Variants in MPDZ observed in about 807,000 individuals in gnomAD.
MPDZ encodes multiple PDZ domain crumbs cell polarity complex component.
MPDZ carries 234 observed loss-of-function variants against 239.1 expected under a neutral mutation model. The ratio of observed to expected loss-of-function variants is 0.98; its 90% CI spans 0.88 to 1.09. MPDZ has a LOEUF of 1.09. Ranked by LOEUF, MPDZ falls within the 50% of genes least tolerant of loss-of-function variation. MPDZ has a pLI of 0.00. For missense variants in MPDZ, 3,175 were observed against 2,510.0 expected (o/e 1.26, Z -5.66); for synonymous variants, 1,048 against 881.3 (o/e 1.19, Z -3.35).
intron 2 of MPDZ, among the ~76,000 whole-genome samples, chr9:13,249,104 T>A (rs972817761): frequency 2.6e-4 from 38 of 145,904 alleles, no homozygotes; most frequent in Admixed American, 1.9e-3. Context: ...GATCATGGGT[T>A]CACACACACA....
intron 1 of MPDZ, among the ~76,000 whole-genome samples, chr9:13,277,997 T>A (rs1010332786): frequency 1.3e-5 from 2 of 152,158 alleles, no homozygotes; most frequent in Non-Finnish European, 2.9e-5. Flanking sequence ...AAATTCAACA[T>A]GTAAAACTCC....
In MPDZ at chr9:13,213,413, AT is replaced by A. The variant is rs985761383; in HGVS notation, c.1290+3360del. Among the ~76,000 whole-genome samples, 235 of 151,934 alleles carry A rather than the reference AT, an allele frequency of 1.5e-3. 2 individuals carry two copies. Among genetic ancestry groups the A allele is most frequent in the Admixed American group, 4.4e-3 (67 of 15,232 alleles). On this transcript the variant is annotated intron_variant, in intron 10 of 46. Coordinates refer to ENST00000319217, the MANE Select transcript of MPDZ (RefSeq NM_001378778.1). Reference sequence around the variant, plus strand: ...ATCTCATCACTTCAACAACTACAAAATAAAAATAGATTATACTCCTAATAGC... The same window carrying A: ...ATCTCATCACTTCAACAACTACAAAAAAAAATAGATTATACTCCTAATAGC...
intron 42 of MPDZ, among the ~76,000 whole-genome samples, 167 bp from the exon 43 acceptor site, chr9:13,112,313 G>A (rs756449461): frequency 3.3e-5 from 5 of 152,170 alleles, no homozygotes; most frequent in Admixed American, 1.3e-4. Context: ...GGTGCTTAGC[G>A]TGGCTTAGGA....
intron 1 of MPDZ, among the ~76,000 whole-genome samples, chr9:13,254,431 T>A (rs564511258): frequency 2.0e-5 from 3 of 152,194 alleles, no homozygotes; most frequent in Non-Finnish European, 4.4e-5. Flanking sequence ...AGGTACTAAA[T>A]CCCTCAACAC....
chr9:13,105,935 T>C lies in MPDZ; in HGVS notation c.*1030A>G, dbSNP rs1348671411. 6 of 152,182 alleles carry C rather than the reference T, an allele frequency of 3.9e-5. No individual in the cohort carries two copies. The highest frequency in any genetic ancestry group is 2.1e-4 in the South Asian group (1 of 4,834). 9.4% of individuals were successfully genotyped at this position (152,182 alleles called of 1,614,324 possible). A position where few individuals can be genotyped will look rare whatever the true frequency, so the allele number is the denominator to read the frequency against. On this transcript the variant is annotated 3_prime_UTR_variant, in exon 47 of 47. Transcript: ENST00000319217. ...ATCTGTTTCCCTTAGTCTTAAACTATTGTATTATAAGATGTTAATATAAGT... is the reference window on the plus strand; with the variant it reads ...ATCTGTTTCCCTTAGTCTTAAACTACTGTATTATAAGATGTTAATATAAGT...
chr9:13,265,010 T>C (rs1971495469), intron 1 of MPDZ, among the ~76,000 whole-genome samples: 1 of 152,140 alleles, frequency 6.6e-6, no homozygotes, highest in Non-Finnish European at 1.5e-5. Flanking sequence ...GGCAGGGGGA[T>C]TCTTCCAAGA....
At chr9:13,143,253 C>T (rs184545121) in intron 27 of MPDZ, among the ~76,000 whole-genome samples, 1 of 152,036 alleles carries the variant, frequency 6.6e-6, no homozygotes, top group Non-Finnish European at 1.5e-5. Flanking sequence ...TTCAGAAGGG[C>T]CATTTAATTT....
chr9:13,239,553 G>T (rs977028299), intron 3 of MPDZ, among the ~76,000 whole-genome samples: 2 of 151,932 alleles, frequency 1.3e-5, no homozygotes, highest in African/African-American at 4.8e-5. Context: ...GAAAAAGTAG[G>T]GTCTCCAAAA....
intron 35 of MPDZ, among the ~76,000 whole-genome samples, chr9:13,124,333 T>C (rs1022687077): frequency 2.1e-4 from 32 of 152,346 alleles, no homozygotes; most frequent in African/African-American, 7.5e-4. Context: ...AGGATTATTT[T>C]CGGAGATGTA....
chr9:13,176,417 C>G lies in MPDZ; in HGVS notation c.2650G>C (p.Asp884His), dbSNP rs948332065. Residue 884 changes from aspartate (D) to histidine (H), a missense_variant and splice_region_variant, in exon 20 of 47, where the codon GAT (aspartate) becomes CAT (histidine). Transcript: ENST00000319217. The part of the protein sequence containing the change: ...GSSLPSSPPK[D>H]VIENSCDPVL... ...GGATCACAAGAATTTTCAATAACAT[C>G]CTGGTAGTTAAAAAACAACAACAAC... is the stretch of plus-strand genomic sequence containing the variant. The G allele has an allele frequency of 6.5e-7, 1 of 1,540,554 alleles. No homozygotes were observed. Among genetic ancestry groups the G allele is most frequent in the African/African-American group, 1.4e-5 (1 of 72,938 alleles).
chr9:13,147,294 A>T (rs1948563336), intron 26 of MPDZ, among the ~76,000 whole-genome samples: 1 of 152,064 alleles, frequency 6.6e-6, no homozygotes, highest in African/African-American at 2.4e-5. Context: ...ATAATTAACC[A>T]TCTAGATACC....
At chr9:13,260,639 G>C (rs754354838) in intron 1 of MPDZ, among the ~76,000 whole-genome samples, 1 of 152,088 alleles carries the variant, frequency 6.6e-6, no homozygotes, top group Non-Finnish European at 1.5e-5. Context: ...ATAAGGGTGG[G>C]GTTCTGATCC....
chr9:13,250,950 G>A (rs894666291), intron 1 of MPDZ, among the ~76,000 whole-genome samples: 1 of 151,708 alleles, frequency 6.6e-6, no homozygotes, highest in Non-Finnish European at 1.5e-5. Context: ...CCAACATGGT[G>A]AAACCCCGTC....
chr9:13,123,437 C>T (rs1944666677), intron 35 of MPDZ, 139 bp from the exon 36 acceptor site: 2 of 597,660 alleles, frequency 3.3e-6, no homozygotes, highest in South Asian at 5.5e-5. Flanking sequence ...TTTGTATTTA[C>T]CTCAATCTTT....
chr9:13,209,029 C>T (rs1397428307), intron 10 of MPDZ, among the ~76,000 whole-genome samples: 2 of 152,058 alleles, frequency 1.3e-5, no homozygotes, highest in Non-Finnish European at 1.5e-5. Flanking sequence ...AAATGGTCTG[C>T]GCATGGCCAG....
At chr9:13,182,527 T>C (rs1953490733) in intron 19 of MPDZ, among the ~76,000 whole-genome samples, 1 of 152,068 alleles carries the variant, frequency 6.6e-6, no homozygotes, top group South Asian at 2.1e-4. Flanking sequence ...ATTAAAAATA[T>C]ATGTTGAATT....
intron 29 of MPDZ, among the ~76,000 whole-genome samples, 166 bp downstream of exon 29, chr9:13,137,791 T>A (rs1425694348): frequency 6.6e-6 from 1 of 152,218 alleles, no homozygotes; most frequent in African/African-American, 2.4e-5. Context: ...TGGACTCTAC[T>A]TGGTAGAAAT....
At chr9:13,133,750 T>C in intron 32 of MPDZ, 74 bp downstream of exon 32, 1 of 1,081,778 alleles carries the variant, frequency 9.2e-7, no homozygotes, top group East Asian at 2.6e-5. Flanking sequence ...GACCACACTT[T>C]TGAGAACACA....
At chr9:13,109,893 T>G in intron 45 of MPDZ, 59 bp downstream of exon 45, 1 of 1,348,118 alleles carries the variant, frequency 7.4e-7, no homozygotes, top group Non-Finnish European at 1.0e-6. Flanking sequence ...AACGCAACTG[T>G]CAGGAAGACT....
Sources: gnomAD v4.1 joint callset for allele counts (sites outside exome capture counted in the v4.1 genomes callset) on GRCh38, gnomAD v4.1.1 for gene constraint, MANE v1.5 for transcripts, NCBI Gene and HGNC (gene_info 2026-07-23, HGNC 2026-07-21) for gene names.